DMD: variants seen among roughly 807,000 people sequenced by gnomAD.
The protein encoded by DMD is mutant dystrophin.
A neutral mutation model predicts 330.1 loss-of-function variants in DMD; 63 were observed. The observed-to-expected ratio is 0.19, with a 90% CI of 0.16 to 0.24. The LOEUF is 0.24. Ranked by LOEUF, DMD falls within the 10% of genes least tolerant of loss-of-function variation. DMD has a pLI of 1.00. For synonymous variants in DMD, 1,223 were observed against 959.8 expected (o/e 1.27, Z -5.07); for missense variants, 3,344 against 2,684.1 (o/e 1.25, Z -5.43).
chrX:32,293,970 T>C (rs2097484865), intron 42 of DMD, among the ~76,000 whole-genome samples: 1 of 112,123 alleles, frequency 8.9e-6, no homozygotes. Flanking sequence ...CATCTTCTGA[T>C]GGCTCCAAGC....
At chrX:32,168,782 C>T (rs1386584851) in intron 44 of DMD, among the ~76,000 whole-genome samples, 7 of 111,462 alleles carry the variant, frequency 6.3e-5, no homozygotes, top group Non-Finnish European at 9.4e-5. Context: ...GATGTTTTCT[C>T]ATGCATGAAT....
intron 60 of DMD, among the ~76,000 whole-genome samples, chrX:31,415,032 C>T (rs2061805483): frequency 8.9e-6 from 1 of 112,283 alleles, no homozygotes; most frequent in Non-Finnish European, 1.9e-5. Context: ...AAACAATAAG[C>T]ATTCCTTAAT....
intron 50 of DMD, among the ~76,000 whole-genome samples, chrX:31,812,310 C>T (rs775511670): frequency 5.0e-4 from 53 of 106,014 alleles, no homozygotes; most frequent in South Asian, 2.2e-3. Context: ...AGCAAACTAT[C>T]GCAAGGACAA....
intron 39 of DMD, among the ~76,000 whole-genome samples, chrX:32,343,829 G>T (rs904081959): frequency 2.7e-5 from 3 of 111,613 alleles, no homozygotes; most frequent in Non-Finnish European, 5.7e-5. Flanking sequence ...CATTTTAGTT[G>T]TCTTATAAAC....
intron 53 of DMD, among the ~76,000 whole-genome samples, chrX:31,675,496 G>C (rs1251793945): frequency 9.0e-6 from 1 of 111,357 alleles, no homozygotes; most frequent in African/African-American, 3.3e-5. Context: ...CCAAGTAGCT[G>C]GGACTACAGG....
intron 1 of DMD, among the ~76,000 whole-genome samples, chrX:33,043,840 C>T (rs1396634605): frequency 2.0e-5 from 2 of 99,568 alleles, no homozygotes; most frequent in Middle Eastern, 5.1e-3. Flanking sequence ...CCCCCTCCCC[C>T]CACCCCACAA....
At chrX:31,217,110 A>G (rs1400983482) in intron 64 of DMD, among the ~76,000 whole-genome samples, 2 of 97,724 alleles carry the variant, frequency 2.0e-5, no homozygotes, top group Non-Finnish European at 4.0e-5. Flanking sequence ...TCACACCTGT[A>G]GAATGTCATC....
intron 55 of DMD, among the ~76,000 whole-genome samples, chrX:31,589,683 G>T (rs938424838): frequency 1.8e-5 from 2 of 111,422 alleles, no homozygotes; most frequent in African/African-American, 6.5e-5. Context: ...TGTAAGCAAT[G>T]ATATCTTAAA....
chrX:32,655,077 G>A (rs1323131354), intron 9 of DMD, among the ~76,000 whole-genome samples: 1 of 109,827 alleles, frequency 9.1e-6, no homozygotes, highest in Non-Finnish European at 1.9e-5. Context: ...CAATTTTGTT[G>A]ATCATAACCA....
In DMD at chrX:31,449,763, GATATATAT is replaced by G. The variant is rs59787771; in HGVS notation, c.8938-5144_8938-5137del. Among the ~76,000 whole-genome samples the G allele has an allele frequency of 2.1e-3, 134 of 62,461 alleles. 1 individual carries two copies. In the East Asian group the frequency reaches 0.022, roughly 10 times the overall value. The allele number at this position is 62,461 out of a possible 115,157, so 54.2% of individuals were successfully genotyped here. Reference sequence around the variant, plus strand: ...TTATGAGTTTATTTATAAATGGTGTGATATATATATATATATATATATATATATATATA... The same window carrying G: ...TTATGAGTTTATTTATAAATGGTGTGATATATATATATATATATATATATA... On this transcript the variant is annotated intron_variant, in intron 59 of 78. Coordinates refer to ENST00000357033, the MANE Select transcript of DMD (RefSeq NM_004006.3).
intron 1 of DMD, among the ~76,000 whole-genome samples, chrX:33,324,125 G>A (rs757321052): frequency 6.3e-5 from 7 of 111,302 alleles, no homozygotes; most frequent in African/African-American, 2.3e-4. Context: ...ATGTTGTCTT[G>A]GGTTGCCTTT....
At chrX:32,549,804 G>C (rs1297615024) in intron 16 of DMD, among the ~76,000 whole-genome samples, 1 of 111,715 alleles carries the variant, frequency 9.0e-6, no homozygotes, top group African/African-American at 3.3e-5. Flanking sequence ...CTCAAGAAAT[G>C]AAGTTCTTTC....
intron 2 of DMD, among the ~76,000 whole-genome samples, chrX:32,889,617 A>C (rs2084992452): frequency 1.8e-5 from 2 of 110,854 alleles, no homozygotes; most frequent in South Asian, 7.7e-4. Context: ...ACCCTAACTG[A>C]TCAATGTACT....
chrX:31,872,428 G>T (rs1292408775), intron 48 of DMD, among the ~76,000 whole-genome samples: 1 of 111,414 alleles, frequency 9.0e-6, no homozygotes. Context: ...CACAATGCAG[G>T]TTTTCATTAT....
intron 16 of DMD, among the ~76,000 whole-genome samples, chrX:32,549,670 T>C (rs1334475933): frequency 8.9e-6 from 1 of 112,009 alleles, no homozygotes; most frequent in Non-Finnish European, 1.9e-5. Context: ...CTTTAAAATT[T>C]ACATTTTCTC....
chrX:32,917,050 G>C (rs111428424), intron 2 of DMD, among the ~76,000 whole-genome samples: 24,340 of 110,232 alleles, frequency 0.22, 2,427 homozygotes, highest in Non-Finnish European at 0.31. Context: ...TGTGTCAGGG[G>C]AGGGACCTGG....
intron 1 of DMD, among the ~76,000 whole-genome samples, chrX:33,083,924 T>C (rs773276857): frequency 4.6e-5 from 5 of 109,663 alleles, no homozygotes; most frequent in Admixed American, 1.9e-4. Context: ...CACCCCACCA[T>C]AGGGCTACAG....
At chrX:31,723,666 ACACT>A (rs1414670521) in intron 52 of DMD, among the ~76,000 whole-genome samples, 21 of 106,004 alleles carry the variant, frequency 2.0e-4, no homozygotes, top group Admixed American at 3.0e-4. Flanking sequence ...ACACACACAC[ACACT>A]CCCATGCTGA....
intron 6 of DMD, among the ~76,000 whole-genome samples, chrX:32,812,183 T>C (rs2077417183): frequency 8.9e-6 from 1 of 111,736 alleles, no homozygotes; most frequent in African/African-American, 3.3e-5. Flanking sequence ...ACTCTCCATA[T>C]CTGTGAACAG....
Sources: gnomAD v4.1 joint callset for allele counts (sites outside exome capture counted in the v4.1 genomes callset) on GRCh38, gnomAD v4.1.1 for gene constraint, MANE v1.5 for transcripts, NCBI Gene and HGNC (gene_info 2026-07-23, HGNC 2026-07-21) for gene names.